Variants in FAM13A observed in about 807,000 individuals in gnomAD.
FAM13A encodes protein FAM13A.
In FAM13A, 76 loss-of-function variants were observed where a neutral mutation model predicts 129.6. The ratio of observed to expected loss-of-function variants is 0.59; its 90% CI spans 0.49 to 0.71. FAM13A has a LOEUF of 0.71. FAM13A is among the 30% of genes least tolerant of loss of function. FAM13A has a pLI of 0.00. For missense variants in FAM13A, 1,108 were observed against 1,249.3 expected (o/e 0.89, Z 1.70); for synonymous variants, 443 against 449.9 (o/e 0.98, Z 0.20).
Position 88,750,753 on chromosome 4 carries a change from G to A in FAM13A, c.1727-116C>T, listed in dbSNP as rs532171225. On this transcript the variant is annotated intron_variant, in intron 14 of 23. Transcript: ENST00000264344. ...GCTTTAGGAAGCTGCCCATTGAATC[G>A]TTTCTCATTTTACAGCTAAGGTCCA... 5.6e-5 allele frequency: 41 copies of A among 730,246 alleles called. No homozygotes were observed. In the East Asian group the frequency reaches 9.7e-4, roughly 17 times the overall value. The allele number at this position is 730,246 out of a possible 1,614,324, so 45.2% of individuals were successfully genotyped here. A position where few individuals can be genotyped will look rare whatever the true frequency, so the allele number is the denominator to read the frequency against.
chr4:89,002,935 A>C (rs1764452680), intron 3 of FAM13A, among the ~76,000 whole-genome samples: 2 of 152,178 alleles, frequency 1.3e-5, no homozygotes, highest in African/African-American at 2.4e-5. Flanking sequence ...TTGGCAGGAA[A>C]ATAAATGAGG....
At chr4:88,769,218 T>C (rs892683751) in intron 11 of FAM13A, among the ~76,000 whole-genome samples, 1 of 152,176 alleles carries the variant, frequency 6.6e-6, no homozygotes, top group African/African-American at 2.4e-5. Context: ...CTCCACAAAA[T>C]AAACACATAG....
At chr4:88,792,083 T>C (rs1725290235) in intron 8 of FAM13A, among the ~76,000 whole-genome samples, 1 of 152,104 alleles carries the variant, frequency 6.6e-6, no homozygotes. Flanking sequence ...ATTAAGAAGA[T>C]AAGTAAATAA....
intron 11 of FAM13A, among the ~76,000 whole-genome samples, chr4:88,770,441 C>T (rs1276133365): frequency 6.6e-6 from 1 of 152,112 alleles, no homozygotes; most frequent in Admixed American, 6.5e-5. Flanking sequence ...GATCACTTCA[C>T]AACAGTGTCA....
chr4:88,772,930 C>T (rs1720975793), intron 11 of FAM13A, among the ~76,000 whole-genome samples: 1 of 152,158 alleles, frequency 6.6e-6, no homozygotes. Flanking sequence ...TGTGTATAAA[C>T]ATGAGGAGAC....
intron 4 of FAM13A, among the ~76,000 whole-genome samples, chr4:88,967,958 T>A (rs1560578182): frequency 6.6e-6 from 1 of 152,074 alleles, no homozygotes; most frequent in Non-Finnish European, 1.5e-5. Flanking sequence ...GTGGTGGTAG[T>A]GTGTGTGTGT....
chr4:88,789,424 T>G (rs2149668596), intron 9 of FAM13A, among the ~76,000 whole-genome samples: 1 of 152,250 alleles, frequency 6.6e-6, no homozygotes, highest in East Asian at 1.9e-4. Context: ...CTTCTCCCTA[T>G]CACACCACAT....
At chr4:88,922,059 C>G (rs540191123) in intron 5 of FAM13A, among the ~76,000 whole-genome samples, 1,532 of 149,950 alleles carry the variant, frequency 0.01, 45 homozygotes, top group African/African-American at 0.037. Context: ...AGCAAGTCCT[C>G]AGTGACCTAC....
intron 5 of FAM13A, among the ~76,000 whole-genome samples, chr4:88,909,499 T>A (rs146797061): frequency 0.014 from 2,201 of 152,134 alleles, 21 homozygotes; most frequent in African/African-American, 0.024. Flanking sequence ...TTTTATTTTT[T>A]TTTTTTGAGA....
At chr4:89,021,886 T>C (rs529612772) in intron 2 of FAM13A, among the ~76,000 whole-genome samples, 2 of 151,802 alleles carry the variant, frequency 1.3e-5, no homozygotes, top group Non-Finnish European at 2.9e-5. Context: ...AAAAAAACAC[T>C]GTAAAAGATA....
rs141307621 is a variant in FAM13A at position 88,851,654 on chromosome 4, C to G, written c.844-471G>C. Among the ~76,000 whole-genome samples the G allele has an allele frequency of 9.8e-5, 15 of 152,296 alleles. No individual in the cohort carries two copies. The East Asian group carries it at 2.7e-3, about 27-fold the overall frequency. On this transcript the variant is annotated intron_variant, in intron 6 of 23. Transcript: ENST00000264344. The stretch of plus-strand genomic sequence containing the variant: ...ATATTTACTACCAATAAGCAAAACA[C>G]AAATTTGCTGATGGTTTCTATTGTA...
At chr4:88,877,448 A>C (rs959781942) in intron 6 of FAM13A, among the ~76,000 whole-genome samples, 1 of 152,226 alleles carries the variant, frequency 6.6e-6, no homozygotes, top group Non-Finnish European at 1.5e-5. Context: ...TATTATTATG[A>C]AGCCTGAATT....
At chr4:88,807,646 C>G (rs1411185055) in intron 7 of FAM13A, among the ~76,000 whole-genome samples, 1 of 152,198 alleles carries the variant, frequency 6.6e-6, no homozygotes, top group Non-Finnish European at 1.5e-5. Context: ...GCAGCCACAA[C>G]AAGATCTCGT....
rs749571433 is a variant in FAM13A at position 88,850,976 on chromosome 4, G to A, written c.1007+44C>T. 21 of 1,588,028 alleles carry A rather than the reference G, an allele frequency of 1.3e-5. No homozygotes were observed. The East Asian group carries it at 3.8e-4, about 29-fold the overall frequency. On this transcript the variant is annotated intron_variant, in intron 7 of 23. Transcript: ENST00000264344. ...CATATGCGGGCCTAAACATAAGAGC[G>A]AATAATGCAATATGGATTGTGTAGA...
At chr4:88,733,309 T>C (rs541697430) in intron 21 of FAM13A, among the ~76,000 whole-genome samples, 1 of 152,226 alleles carries the variant, frequency 6.6e-6, no homozygotes, top group African/African-American at 2.4e-5. Flanking sequence ...GACTATCATA[T>C]AACTGATATC....
chr4:88,869,571 T>C lies in FAM13A; in HGVS notation c.844-18388A>G, dbSNP rs547157265. Among the ~76,000 whole-genome samples the C allele has an allele frequency of 3.9e-5, 6 of 152,364 alleles. No individual in the cohort carries two copies. In the South Asian group the frequency reaches 1.2e-3, roughly 32 times the overall value. On this transcript the variant is annotated intron_variant, in intron 6 of 23. Coordinates refer to ENST00000264344, the MANE Select transcript of FAM13A (RefSeq NM_014883.4). The stretch of plus-strand genomic sequence containing the variant: ...AGAGGTCTTCCCTGATGTATCAGCT[T>C]AAATCAGGCACCCTTGTTATATACT...
chr4:89,055,838 T>C (rs1772146015), intron 1 of FAM13A, among the ~76,000 whole-genome samples: 2 of 152,202 alleles, frequency 1.3e-5, no homozygotes, highest in Admixed American at 1.3e-4. Flanking sequence ...GTTTTGAGCC[T>C]GGAAACAAGG....
At chr4:88,880,913 T>C (rs1023783396) in intron 6 of FAM13A, among the ~76,000 whole-genome samples, 10 of 151,442 alleles carry the variant, frequency 6.6e-5, no homozygotes, top group Non-Finnish European at 1.5e-4. Context: ...GCAGCCATAA[T>C]TCCCCTAGGA....
At chr4:88,998,986 C>T (rs1213202001) in intron 3 of FAM13A, among the ~76,000 whole-genome samples, 1 of 152,134 alleles carries the variant, frequency 6.6e-6, no homozygotes, top group Admixed American at 6.6e-5. Context: ...TAATAAATTA[C>T]CCTCTATTCT....
Sources: gnomAD v4.1 joint callset for allele counts (sites outside exome capture counted in the v4.1 genomes callset) on GRCh38, gnomAD v4.1.1 for gene constraint, MANE v1.5 for transcripts, NCBI Gene and HGNC (gene_info 2026-07-23, HGNC 2026-07-21) for gene names.